The following CHODL variants were observed in gnomAD, a reference collection of about 807,000 sequenced individuals.
The protein encoded by CHODL is chondrolectin, also known as transmembrane protein MT75.
In CHODL, 29 loss-of-function variants were observed where a neutral mutation model predicts 34.5. That is an observed-to-expected ratio of 0.84 (90% CI 0.63 to 1.15). The LOEUF (loss-of-function observed/expected upper bound fraction) is 1.15. Ranked by LOEUF, CHODL falls within the 50% of genes most tolerant of loss-of-function variation. The probability of loss-of-function intolerance (pLI) is 0.00; values close to 1 mark genes in which losing one functional copy is unlikely to be tolerated. For missense variants in CHODL, 332 were observed against 332.5 expected (o/e 1.00, Z 0.01); for synonymous variants, 125 against 116.1 (o/e 1.08, Z -0.49).
chr21:18,098,752 A>T (rs1410101287), intron 2 of CHODL, among the ~76,000 whole-genome samples: 1 of 152,122 alleles, frequency 6.6e-6, no homozygotes, highest in East Asian at 1.9e-4. Flanking sequence ...GCAAATCAGT[A>T]TATCAAAGAG....
In CHODL at chr21:18,089,949, G is replaced by C. The variant is rs1030278561; in HGVS notation, c.-45+61978G>C. The stretch of plus-strand genomic sequence containing the variant: ...ATTGCAAGATAAATGAATAGCAAGA[G>C]TGAAAAATGAGTCCTAAAATAGTGG... On this transcript the variant is annotated intron_variant, in intron 2 of 6. Coordinates refer to the CHODL transcript ENST00000400127. Among the ~76,000 whole-genome samples, 6 of 152,312 alleles carry C rather than the reference G, an allele frequency of 3.9e-5. No homozygotes were observed. In the South Asian group the frequency reaches 8.3e-4, roughly 21 times the overall value.
At chr21:18,070,232 A>T (rs1255889166) in intron 2 of CHODL, among the ~76,000 whole-genome samples, 1 of 151,512 alleles carries the variant, frequency 6.6e-6, no homozygotes, top group Non-Finnish European at 1.5e-5. Flanking sequence ...ATGGAAAAAA[A>T]ACTTTTTTTA....
At chr21:18,246,585 GA>G (rs1273324376) in intron 1 of CHODL, among the ~76,000 whole-genome samples, 1 of 152,060 alleles carries the variant, frequency 6.6e-6, no homozygotes, top group Non-Finnish European at 1.5e-5. Flanking sequence ...TAGCTGCAAA[GA>G]AAAAATTCAT....
At chr21:18,002,435 CTCTT>C (rs1423918183) in intron 1 of CHODL, among the ~76,000 whole-genome samples, 6 of 152,172 alleles carry the variant, frequency 3.9e-5, no homozygotes, top group African/African-American at 1.2e-4. Context: ...ACATACTTCT[CTCTT>C]TAATTTTTTA....
At chr21:17,932,015 C>T (rs1392951324) in intron 1 of CHODL, among the ~76,000 whole-genome samples, 1 of 152,140 alleles carries the variant, frequency 6.6e-6, no homozygotes, top group Non-Finnish European at 1.5e-5. Flanking sequence ...AGTAAGCAGA[C>T]AGCCTACAGA....
intron 1 of CHODL, among the ~76,000 whole-genome samples, chr21:17,951,047 T>C (rs2063452702): frequency 6.6e-6 from 1 of 152,054 alleles, no homozygotes; most frequent in African/African-American, 2.4e-5. Flanking sequence ...TATATACATA[T>C]ACATTAATAA....
intron 1 of CHODL, among the ~76,000 whole-genome samples, chr21:18,014,902 T>C (rs575650384): frequency 6.6e-6 from 1 of 152,208 alleles, no homozygotes; most frequent in East Asian, 1.9e-4. Flanking sequence ...ATACAGAAAA[T>C]TGGTACACAG....
intron 2 of CHODL, among the ~76,000 whole-genome samples, chr21:18,185,086 C>T (rs1224202853): frequency 7.9e-5 from 12 of 152,046 alleles, no homozygotes; most frequent in Admixed American, 1.3e-4. Flanking sequence ...AGGTTTGTTA[C>T]ATAGGTATAC....
intron 2 of CHODL, among the ~76,000 whole-genome samples, chr21:18,226,508 A>G (rs1568944841): frequency 6.6e-6 from 1 of 152,084 alleles, no homozygotes; most frequent in Non-Finnish European, 1.5e-5. Flanking sequence ...CATGTTGGCC[A>G]GGCTGGTCTT....
At chr21:17,921,401 G>T (rs1179673319) in intron 1 of CHODL, among the ~76,000 whole-genome samples, 1 of 152,216 alleles carries the variant, frequency 6.6e-6, no homozygotes, top group Non-Finnish European at 1.5e-5. Flanking sequence ...ACCACCAAGG[G>T]TGTGTTGGGC....
intron 2 of CHODL, among the ~76,000 whole-genome samples, chr21:18,166,426 G>C (rs1223185869): frequency 6.6e-6 from 1 of 152,136 alleles, no homozygotes; most frequent in Non-Finnish European, 1.5e-5. Context: ...AATCAAGGGA[G>C]TGATACCCCT....
intron 1 of CHODL, among the ~76,000 whole-genome samples, chr21:17,942,771 A>G (rs2063375976): frequency 6.6e-6 from 1 of 152,036 alleles, no homozygotes; most frequent in African/African-American, 2.4e-5. Context: ...TTGGAAGATG[A>G]TGTGGTTTGG....
intron 2 of CHODL, among the ~76,000 whole-genome samples, chr21:18,093,818 A>G (rs2065104409): frequency 6.6e-6 from 1 of 152,184 alleles, no homozygotes; most frequent in Non-Finnish European, 1.5e-5. Flanking sequence ...GAAGGAAAGA[A>G]GAAAGAGACG....
chr21:18,244,053 G>A (rs2074107086), upstream of CHODL, among the ~76,000 whole-genome samples: 1 of 152,184 alleles, frequency 6.6e-6, no homozygotes, highest in Non-Finnish European at 1.5e-5. Context: ...AGGTATCACA[G>A]TCCTTGGGTA....
At chr21:17,927,152 A>ATATATATG (rs1012815131) in intron 1 of CHODL, among the ~76,000 whole-genome samples, 8 of 57,838 alleles carry the variant, frequency 1.4e-4, no homozygotes, top group African/African-American at 2.2e-4. Context: ...GTATATATGT[A>ATATATATG]TATATATGTA....
At chr21:18,245,336 G>C (rs1311145275) in intron 1 of CHODL, 34 bp downstream of exon 1, 3 of 1,480,988 alleles carry the variant, frequency 2.0e-6, no homozygotes, top group Non-Finnish European at 2.7e-6. Context: ...AAGAACGAGC[G>C]GGGAGAGGGG....
chr21:18,139,976 A>G (rs1368917805), intron 2 of CHODL, among the ~76,000 whole-genome samples: 1 of 152,148 alleles, frequency 6.6e-6, no homozygotes, highest in Non-Finnish European at 1.5e-5. Flanking sequence ...TATCTAACTG[A>G]GTTTTTGTCC....
At chr21:17,959,428 TAAC>T (rs2063516192) in intron 1 of CHODL, among the ~76,000 whole-genome samples, 1 of 152,208 alleles carries the variant, frequency 6.6e-6, no homozygotes, top group Non-Finnish European at 1.5e-5. Flanking sequence ...AACTCTAAAT[TAAC>T]AAGCCATTTG....
intron 1 of CHODL, among the ~76,000 whole-genome samples, chr21:17,982,696 C>CTTTTTTTTTTTTT (rs397867753): frequency 4.3e-4 from 27 of 62,980 alleles, no homozygotes; most frequent in Admixed American, 8.7e-4. Context: ...TATATATATT[C>CTTTTTTTTTTTTT]TTTTTTTTTT....
Sources: gnomAD v4.1 joint callset for allele counts (sites outside exome capture counted in the v4.1 genomes callset) on GRCh38, gnomAD v4.1.1 for gene constraint, MANE v1.5 for transcripts, NCBI Gene and HGNC (gene_info 2026-07-23, HGNC 2026-07-21) for gene names.